STK11: variants seen among roughly 807,000 people sequenced by gnomAD.
STK11 encodes the protein serine/threonine-protein kinase STK11.
In STK11, 8 loss-of-function variants were observed where a neutral mutation model predicts 47.3. The ratio of observed to expected loss-of-function variants is 0.17; its 90% CI spans 0.10 to 0.31. The LOEUF (loss-of-function observed/expected upper bound fraction) is 0.31. STK11 is among the 10% of genes least tolerant of loss of function. STK11 has a pLI of 1.00. For missense variants in STK11, 475 were observed against 605.0 expected (o/e 0.79, Z 2.25); for synonymous variants, 330 against 255.8 (o/e 1.29, Z -2.77).
At chr19:1,215,962 C>G (rs1249356069) in intron 1 of STK11, among the ~76,000 whole-genome samples, 1 of 121,062 alleles carries the variant, frequency 8.3e-6, no homozygotes, top group Non-Finnish European at 1.7e-5. Context: ...GTTTCGAACT[C>G]CTGACCTCAG....
At chr19:1,207,275 T>A (rs2080674581) in intron 1 of STK11, 72 bp downstream of exon 1, 8 of 1,510,058 alleles carry the variant, frequency 5.3e-6, no homozygotes, top group Middle Eastern at 3.6e-4. Flanking sequence ...CTTCCTTCCT[T>A]CTCTCCTCCC....
intron 8 of STK11, 106 bp downstream of exon 8, chr19:1,223,278 T>A: frequency 7.4e-7 from 1 of 1,347,936 alleles, no homozygotes; most frequent in Non-Finnish European, 1.0e-6. Flanking sequence ...TGCCCTCTGG[T>A]GGCCAATCCC....
intron 1 of STK11, among the ~76,000 whole-genome samples, chr19:1,211,881 G>C (rs763340080): frequency 1.1e-4 from 16 of 152,332 alleles, no homozygotes; most frequent in Middle Eastern, 3.4e-3. Context: ...AGTCAGTCCT[G>C]GACTTTGTAG....
In STK11 at chr19:1,227,624, G is replaced by T. The variant is rs1238710352; in HGVS notation, c.*48G>T. 9.4e-7 allele frequency: 1 copy of T among 1,066,616 alleles called. No homozygotes were observed. Among genetic ancestry groups the T allele is most frequent in the Non-Finnish European group, 1.1e-6 (1 of 880,160 alleles). 66.1% of individuals were successfully genotyped at this position (1,066,616 alleles called of 1,614,324 possible). On this transcript the variant is annotated 3_prime_UTR_variant, in exon 10 of 10. Coordinates refer to ENST00000326873, the MANE Select transcript of STK11 (RefSeq NM_000455.5). ...TCCAGGAGCCCCGCCAGGTGCCCGC[G>T]CCAGGCCCTCAGTCTTCCTGCCGGT...
intron 9 of STK11, chr19:1,227,060 G>A (rs943311209): frequency 1.4e-5 from 3 of 207,454 alleles, no homozygotes; most frequent in African/African-American, 7.1e-5. Flanking sequence ...GGGTGGTGGG[G>A]AGGGGCCGCG....
chr19:1,225,969 G>C, intron 8 of STK11: 1 of 993,180 alleles, frequency 1.0e-6, no homozygotes, highest in Non-Finnish European at 1.2e-6. Context: ...GGCAGGCTGA[G>C]CTCTGCTCCC....
At chr19:1,211,956 G>A (rs553174327) in intron 1 of STK11, among the ~76,000 whole-genome samples, 15 of 152,366 alleles carry the variant, frequency 9.8e-5, no homozygotes, top group South Asian at 6.2e-4. Flanking sequence ...CGCCAGCCAT[G>A]TGAGGCCTGG....
Position 1,206,590 on chromosome 19 carries a change from G to C in STK11, c.-324G>C, listed in dbSNP as rs946641961. 1 of 436,164 alleles carries C rather than the reference G, an allele frequency of 2.3e-6. No homozygotes were observed. Among genetic ancestry groups the C allele is most frequent in the Non-Finnish European group, 4.1e-6 (1 of 243,748 alleles). The allele number at this position is 436,164 out of a possible 1,614,324, so 27.0% of individuals were successfully genotyped here. On this transcript the variant is annotated 5_prime_UTR_variant, in exon 1 of 10. Transcript: ENST00000326873. ...CGGCCGGCCTCCCCAGGGTCCCCGA[G>C]GACGAAGTTGACCCTGACCGGGCCG...
intron 8 of STK11, chr19:1,224,470 A>C: frequency 1.0e-6 from 1 of 985,380 alleles, no homozygotes; most frequent in African/African-American, 1.7e-5. Context: ...TGCCTTTCAG[A>C]GCCCTGGTGC....
intron 1 of STK11, among the ~76,000 whole-genome samples, chr19:1,213,557 G>A (rs2145414911): frequency 6.6e-6 from 1 of 152,352 alleles, no homozygotes; most frequent in Admixed American, 6.5e-5. Flanking sequence ...GTCTCACGGA[G>A]TGTGCTGTCC....
intron 1 of STK11, among the ~76,000 whole-genome samples, chr19:1,217,630 GTCTCTT>G (rs1250704912): frequency 1.3e-5 from 2 of 152,160 alleles, no homozygotes; most frequent in African/African-American, 2.4e-5. Flanking sequence ...ACCCCACAAT[GTCTCTT>G]TCTGTGGCGT....
chr19:1,224,051 AGTGGGGGCCCT>A (rs2080804561), intron 8 of STK11: 1 of 1,002,330 alleles, frequency 1.0e-6, no homozygotes, highest in Non-Finnish European at 1.2e-6. Context: ...GTCCCAGAAT[AGTGGGGGCCCT>A]GCAGAGAGCC....
chr19:1,212,007 G>T (rs903590465), intron 1 of STK11, among the ~76,000 whole-genome samples: 1 of 151,732 alleles, frequency 6.6e-6, no homozygotes, highest in African/African-American at 2.4e-5. Context: ...TCTGGGCAGC[G>T]GGAGGGAGAG....
rs752961535 is a variant in STK11 at position 1,223,024 on chromosome 19, G to A, written c.960G>A (p.Val320=). The A allele has an allele frequency of 3.8e-6, 6 of 1,588,166 alleles. No homozygotes were observed. The highest frequency in any genetic ancestry group is 3.4e-6 in the Non-Finnish European group (4 of 1,167,988). The change falls in exon 8 of 10, where the codon GTG becomes GTA. Residue 320 remains valine (V), a synonymous_variant. Coordinates refer to ENST00000326873, the MANE Select transcript of STK11 (RefSeq NM_000455.5). The part of the protein sequence containing the change: ...RKKHPPAEAP[V]PIPPSPDTKD... ...AACATCCTCCGGCTGAAGCACCAGT[G>A]CCCATCCCACCGAGCCCAGACACCA...
chr19:1,224,284 A>T, intron 8 of STK11: 2 of 985,302 alleles, frequency 2.0e-6, no homozygotes, highest in Non-Finnish European at 2.4e-6. Context: ...CCAGGATCAC[A>T]GGGTCTCAGC....
At chr19:1,209,949 G>A (rs2080698125) in intron 1 of STK11, among the ~76,000 whole-genome samples, 1 of 152,314 alleles carries the variant, frequency 6.6e-6, no homozygotes, top group South Asian at 2.1e-4. Flanking sequence ...CTGCCTTGAA[G>A]TGAGTGATGC....
Position 1,206,520 on chromosome 19 carries a change from C to G in STK11, c.-394C>G. On this transcript the variant is annotated 5_prime_UTR_variant, in exon 1 of 10. Transcript: ENST00000326873. ...GCGCTCGGCCGTGTTCATACTTGTCCGTGGGCCTGAGGTCCCCGGAGGATG... is the reference window on the plus strand; with the variant it reads ...GCGCTCGGCCGTGTTCATACTTGTCGGTGGGCCTGAGGTCCCCGGAGGATG... The G allele has an allele frequency of 3.4e-6, 1 of 291,834 alleles. No individual in the cohort carries two copies. Among genetic ancestry groups the G allele is most frequent in the Non-Finnish European group, 6.5e-6 (1 of 153,368 alleles). 18.1% of individuals were successfully genotyped at this position (291,834 alleles called of 1,614,324 possible).
chr19:1,218,133 ACT>A (rs1184397259), intron 1 of STK11, among the ~76,000 whole-genome samples: 1 of 150,506 alleles, frequency 6.6e-6, no homozygotes, highest in Non-Finnish European at 1.5e-5. Flanking sequence ...ACAGAGCAAG[ACT>A]CTGTCTCAGA....
At chr19:1,215,798 G>A (rs1308441873) in intron 1 of STK11, among the ~76,000 whole-genome samples, 1 of 152,038 alleles carries the variant, frequency 6.6e-6, no homozygotes, top group African/African-American at 2.4e-5. Context: ...GTGCAGTGGT[G>A]AGATCTCGAC....
Sources: gnomAD v4.1 joint callset for allele counts (sites outside exome capture counted in the v4.1 genomes callset) on GRCh38, gnomAD v4.1.1 for gene constraint, MANE v1.5 for transcripts, NCBI Gene and HGNC (gene_info 2026-07-23, HGNC 2026-07-21) for gene names.